Variants in MACROD2 observed in about 807,000 individuals in gnomAD.
MACROD2 encodes ADP-ribose glycohydrolase MACROD2.
Under a neutral mutation model 70.4 loss-of-function variants are expected in MACROD2, and 36 were observed. The ratio of observed to expected loss-of-function variants is 0.51; its 90% CI spans 0.39 to 0.68. MACROD2 has a LOEUF of 0.68. Ranked by LOEUF, MACROD2 falls within the 30% of genes least tolerant of loss-of-function variation. The pLI, the probability that MACROD2 is intolerant of heterozygous loss-of-function variation, is 0.00. For missense variants in MACROD2, 496 were observed against 538.4 expected (o/e 0.92, Z 0.78); for synonymous variants, 172 against 178.8 (o/e 0.96, Z 0.30).
At chr20:14,826,235 AT>A (rs1180265901) in intron 5 of MACROD2, among the ~76,000 whole-genome samples, 3 of 151,160 alleles carry the variant, frequency 2.0e-5, no homozygotes, top group East Asian at 3.9e-4. Flanking sequence ...AAAAAAAAAA[AT>A]GAAACACAAG....
At chr20:15,689,230 G>C (rs943238584) in intron 8 of MACROD2, among the ~76,000 whole-genome samples, 2 of 152,234 alleles carry the variant, frequency 1.3e-5, no homozygotes, top group South Asian at 4.2e-4. Flanking sequence ...CTTGAACCTG[G>C]GGGGTGGAGG....
chr20:14,521,503 CTG>C (rs2085168993), intron 4 of MACROD2, among the ~76,000 whole-genome samples: 1 of 152,142 alleles, frequency 6.6e-6, no homozygotes, highest in South Asian at 2.1e-4. Context: ...CTACGGAAGA[CTG>C]TAAGCATTTG....
At position 15,957,103 on chromosome 20, in the gene MACROD2, G is replaced by C. The variant is rs3859629; in HGVS notation, c.908-10450G>C. On this transcript the variant is annotated intron_variant, in intron 12 of 17. Transcript: ENST00000684519. Reference sequence around the variant, plus strand: ...CAAACAGGCACAACTTATAGATGCTGTTGAGAGTTAGAGTGGTGATGATTA... The same window carrying C: ...CAAACAGGCACAACTTATAGATGCTCTTGAGAGTTAGAGTGGTGATGATTA... Among the ~76,000 whole-genome samples the C allele has an allele frequency of 1.4e-3, 213 of 151,944 alleles. 1 individual carries two copies. Among genetic ancestry groups the C allele is most frequent in the African/African-American group, 4.9e-3 (205 of 41,436 alleles).
At chr20:15,182,564 CA>C (rs1336224603) in intron 5 of MACROD2, among the ~76,000 whole-genome samples, 1 of 152,106 alleles carries the variant, frequency 6.6e-6, no homozygotes, top group South Asian at 2.1e-4. Context: ...ATCAATAAGC[CA>C]AAAATTTATC....
intron 3 of MACROD2, among the ~76,000 whole-genome samples, chr20:14,341,364 G>T (rs541640921): frequency 5.9e-5 from 9 of 152,200 alleles, no homozygotes; most frequent in Admixed American, 5.9e-4. Flanking sequence ...TTGGATGGGC[G>T]CAGTGGCTCA....
chr20:14,352,686 G>A (rs2083134760), intron 3 of MACROD2, among the ~76,000 whole-genome samples: 2 of 151,990 alleles, frequency 1.3e-5, no homozygotes, highest in Admixed American at 6.6e-5. Context: ...TATAGAAGGA[G>A]CACATTTTCT....
intron 15 of MACROD2, among the ~76,000 whole-genome samples, chr20:16,040,454 T>G (rs1050269968): frequency 6.6e-6 from 1 of 151,992 alleles, no homozygotes; most frequent in Non-Finnish European, 1.5e-5. Flanking sequence ...TGTATTTGTA[T>G]TTACAAATGT....
chr20:14,442,918 T>C (rs77970192), intron 3 of MACROD2, among the ~76,000 whole-genome samples: 5,196 of 151,804 alleles, frequency 0.034, 311 homozygotes, highest in African/African-American at 0.12. Context: ...CTACTAAAAA[T>C]ACAAAAATAA....
At chr20:14,086,172 T>C in intron 3 of MACROD2, 1 of 369,280 alleles carries the variant, frequency 2.7e-6, no homozygotes, top group Non-Finnish European at 5.4e-6. Flanking sequence ...TTCAGTTATT[T>C]CAAAACTTAA....
At chr20:14,325,439 G>T in intron 3 of MACROD2, 1 of 1,081,300 alleles carries the variant, frequency 9.2e-7, no homozygotes, top group Non-Finnish European at 1.3e-6. Context: ...CAAATGTACA[G>T]TACATTGCTT....
intron 8 of MACROD2, among the ~76,000 whole-genome samples, chr20:15,805,691 G>T (rs2063763207): frequency 6.6e-6 from 1 of 152,126 alleles, no homozygotes; most frequent in Non-Finnish European, 1.5e-5. Context: ...GGTAAGGCTG[G>T]TCTCAAACTC....
intron 6 of MACROD2, among the ~76,000 whole-genome samples, chr20:15,389,020 G>A (rs139085425): frequency 3.4e-4 from 52 of 152,252 alleles, no homozygotes; most frequent in Admixed American, 1.3e-4. Flanking sequence ...GGTGAAAAAC[G>A]TCCATTGATC....
chr20:14,414,364 T>G (rs937737337), intron 3 of MACROD2, among the ~76,000 whole-genome samples: 2 of 152,110 alleles, frequency 1.3e-5, no homozygotes, highest in African/African-American at 4.8e-5. Flanking sequence ...TTAAATCCAG[T>G]CACCCTGAAA....
At chr20:15,137,691 C>A (rs969502289) in intron 5 of MACROD2, among the ~76,000 whole-genome samples, 4 of 151,464 alleles carry the variant, frequency 2.6e-5, no homozygotes, top group African/African-American at 9.7e-5. Context: ...CACATGTACC[C>A]TAAAACTTAA....
In MACROD2 at chr20:15,104,225, G is replaced by C. The variant is rs1422379447; in HGVS notation, c.419-125715G>C. Among the ~76,000 whole-genome samples, 6 of 152,250 alleles carry C rather than the reference G, an allele frequency of 3.9e-5. No homozygotes were observed. In the South Asian group the frequency reaches 6.2e-4, roughly 16 times the overall value. On this transcript the variant is annotated intron_variant, in intron 5 of 17. Transcript: ENST00000684519. ...GACTAACCTAGACAGGGACGCCACTGTCCTGTGAGTAGACTCTTCCAGAAA... is the reference window on the plus strand; with the variant it reads ...GACTAACCTAGACAGGGACGCCACTCTCCTGTGAGTAGACTCTTCCAGAAA...
At chr20:14,373,627 T>A (rs1010966718) in intron 3 of MACROD2, among the ~76,000 whole-genome samples, 1 of 152,184 alleles carries the variant, frequency 6.6e-6, no homozygotes, top group Non-Finnish European at 1.5e-5. Flanking sequence ...ACCCTTAAAG[T>A]AATGCCTCAG....
intron 7 of MACROD2, among the ~76,000 whole-genome samples, chr20:15,475,854 A>G (rs927051904): frequency 6.6e-6 from 1 of 152,218 alleles, no homozygotes; most frequent in Non-Finnish European, 1.5e-5. Context: ...CAATCCCACT[A>G]TTCTTAGCCT....
At chr20:14,464,604 CT>C (rs1286980398) in intron 3 of MACROD2, among the ~76,000 whole-genome samples, 86 of 152,084 alleles carry the variant, frequency 5.7e-4, no homozygotes, top group African/African-American at 2.1e-3. Flanking sequence ...TCTTGCTTCT[CT>C]AGTTCTTTTA....
At chr20:15,304,182 G>A (rs1015524360) in intron 6 of MACROD2, among the ~76,000 whole-genome samples, 1 of 151,936 alleles carries the variant, frequency 6.6e-6, no homozygotes, top group African/African-American at 2.4e-5. Context: ...TGGAATAAAT[G>A]CATGACTGGG....
Sources: allele counts gnomAD v4.1 joint callset (sites outside exome capture counted in the v4.1 genomes callset), GRCh38; gene constraint gnomAD v4.1.1; transcripts MANE v1.5; gene names NCBI Gene and HGNC (gene_info 2026-07-23, HGNC 2026-07-21).